Variants in CLASP2 observed in about 807,000 individuals in gnomAD.
CLASP2 encodes the protein CLIP-associating protein 2.
A neutral mutation model predicts 194.4 loss-of-function variants in CLASP2; 47 were observed. The ratio of observed to expected loss-of-function variants is 0.24; its 90% CI spans 0.19 to 0.31. The LOEUF (loss-of-function observed/expected upper bound fraction) is 0.31, where lower values mean the gene tolerates loss of function less well. CLASP2 is among the 10% of genes least tolerant of loss of function. The pLI, the probability that CLASP2 is intolerant of heterozygous loss-of-function variation, is 1.00. For missense variants in CLASP2, 1,445 were observed against 1,823.6 expected (o/e 0.79, Z 3.78); for synonymous variants, 619 against 633.5 (o/e 0.98, Z 0.34).
chr3:33,629,476 T>C (rs1007818789), intron 9 of CLASP2, among the ~76,000 whole-genome samples: 1 of 152,174 alleles, frequency 6.6e-6, no homozygotes, highest in African/African-American at 2.4e-5. Flanking sequence ...ACTACTTATT[T>C]ACTAAAGTAA....
chr3:33,682,064 T>C (rs1481977213), intron 6 of CLASP2, among the ~76,000 whole-genome samples: 2 of 152,174 alleles, frequency 1.3e-5, no homozygotes, highest in African/African-American at 4.8e-5. Flanking sequence ...GCCTAGCAAA[T>C]GCTGGCACGG....
At chr3:33,614,099 A>G (rs1256595009) in intron 12 of CLASP2, among the ~76,000 whole-genome samples, 2 of 152,228 alleles carry the variant, frequency 1.3e-5, no homozygotes, top group Non-Finnish European at 2.9e-5. Flanking sequence ...CTAAGGAAGT[A>G]GACTCTTAGG....
chr3:33,500,582 G>A (rs373999579), intron 38 of CLASP2, among the ~76,000 whole-genome samples: 25 of 152,004 alleles, frequency 1.6e-4, no homozygotes, highest in African/African-American at 3.4e-4. Context: ...TTAAAACTTT[G>A]TCTCTCATGG....
chr3:33,686,910 A>G, intron 5 of CLASP2, 150 bp downstream of exon 5: 3 of 556,918 alleles, frequency 5.4e-6, no homozygotes, highest in Non-Finnish European at 9.6e-6. Flanking sequence ...TTAAAAACTA[A>G]CTTTGATGGA....
intron 7 of CLASP2, among the ~76,000 whole-genome samples, chr3:33,651,121 A>T (rs9838471): frequency 6.6e-6 from 1 of 152,070 alleles, no homozygotes; most frequent in Non-Finnish European, 1.5e-5. Context: ...AGTGGTTCAC[A>T]TCTGTAATCC....
chr3:33,671,368 AAG>A (rs1038460418), intron 6 of CLASP2, among the ~76,000 whole-genome samples: 2 of 152,232 alleles, frequency 1.3e-5, no homozygotes, highest in South Asian at 2.1e-4. Context: ...AGACAAAAAA[AAG>A]AGAGAGCAAG....
intron 30 of CLASP2, among the ~76,000 whole-genome samples, chr3:33,545,304 C>T (rs1300173032): frequency 6.6e-6 from 1 of 152,148 alleles, no homozygotes; most frequent in Admixed American, 6.5e-5. Context: ...TTATACAATT[C>T]TTCTCCGCTT....
intron 7 of CLASP2, among the ~76,000 whole-genome samples, chr3:33,651,108 C>T (rs1199166139): frequency 6.6e-6 from 1 of 152,028 alleles, no homozygotes; most frequent in Admixed American, 6.5e-5. Context: ...CATGGCTGGG[C>T]GTAGTGGTTC....
chr3:33,496,847 T>C lies in CLASP2; in HGVS notation c.*1784A>G, dbSNP rs2045853346. ...TGCGTATGTAGCTATATACCTTTGA[T>C]TGTGGTAGCTACACCTGAAAAATCT... is the stretch of plus-strand genomic sequence containing the variant. On this transcript the variant is annotated 3_prime_UTR_variant, in exon 39 of 39. Transcript: ENST00000682230. 1 of 152,378 alleles carries C rather than the reference T, an allele frequency of 6.6e-6. No homozygotes were observed. The highest frequency in any genetic ancestry group is 2.4e-5 in the African/African-American group (1 of 41,470). The allele number at this position is 152,378 out of a possible 1,614,324, so 9.4% of individuals were successfully genotyped here. A position where few individuals can be genotyped will look rare whatever the true frequency, so the allele number is the denominator to read the frequency against.
intron 6 of CLASP2, among the ~76,000 whole-genome samples, chr3:33,669,442 C>T (rs957464619): frequency 2.0e-5 from 3 of 151,850 alleles, no homozygotes; most frequent in Admixed American, 1.3e-4. Context: ...AACTTATGTA[C>T]ATCAAAAGGT....
rs1342975907 is a variant in CLASP2, at chr3:33,632,365, G to T, written c.869C>A (p.Ser290Tyr). ...SAGGPKVGGASKEGGAGAVDE... is the reference protein window; with the variant it reads ...SAGGPKVGGAYKEGGAGAVDE... Reference sequence around the variant, plus strand: ...AACTGCTCCAGCACCTCCTTCCTTAGAAGCACCTGCTAATTAAAAGGAAAT... The same window carrying T: ...AACTGCTCCAGCACCTCCTTCCTTATAAGCACCTGCTAATTAAAAGGAAAT... The change falls in exon 9 of 39, where the codon TCT becomes TAT. Residue 290 changes from serine to tyrosine, a missense_variant. By Grantham distance (144) the Ser-to-Tyr change is moderately radical. Coordinates refer to ENST00000682230, the MANE Select transcript of CLASP2 (RefSeq NM_001365631.1). 1 of 1,595,180 alleles carries T rather than the reference G, an allele frequency of 6.3e-7. No individual in the cohort carries two copies. Among genetic ancestry groups the T allele is most frequent in the Non-Finnish European group, 8.5e-7 (1 of 1,171,434 alleles).
At chr3:33,544,336 G>A (rs1360115279) in intron 31 of CLASP2, among the ~76,000 whole-genome samples, 1 of 151,986 alleles carries the variant, frequency 6.6e-6, no homozygotes, top group Non-Finnish European at 1.5e-5. Context: ...GTTAACCCTG[G>A]AATAAGTCAT....
intron 31 of CLASP2, among the ~76,000 whole-genome samples, 195 bp from the exon 32 acceptor site, chr3:33,543,734 A>C (rs2058731518): frequency 6.6e-6 from 1 of 152,162 alleles, no homozygotes; most frequent in Admixed American, 6.5e-5. Flanking sequence ...GTAACTCTTT[A>C]GTCTTTTTCT....
intron 9 of CLASP2, 21 bp downstream of exon 9, chr3:33,632,271 G>T: frequency 1.3e-6 from 2 of 1,505,038 alleles, no homozygotes; most frequent in Non-Finnish European, 1.8e-6. Context: ...TATTCACGGG[G>T]AGTGCCACTG....
chr3:33,716,189 T>C (rs2093290923), intron 1 of CLASP2, among the ~76,000 whole-genome samples: 1 of 152,216 alleles, frequency 6.6e-6, no homozygotes, highest in Non-Finnish European at 1.5e-5. Flanking sequence ...TGGGAGACTA[T>C]GGCAGTTCTC....
At chr3:33,699,472 A>T (rs1378351815) in intron 1 of CLASP2, among the ~76,000 whole-genome samples, 1 of 152,198 alleles carries the variant, frequency 6.6e-6, no homozygotes, top group Non-Finnish European at 1.5e-5. Flanking sequence ...ATGAGAAAAA[A>T]ACAAAAGGAC....
chr3:33,705,091 G>GA (rs1351537698), intron 1 of CLASP2, among the ~76,000 whole-genome samples: 6 of 152,120 alleles, frequency 3.9e-5, no homozygotes, highest in Non-Finnish European at 8.8e-5. Flanking sequence ...ATACATACTT[G>GA]TACGTCAATG....
At chr3:33,530,593 T>C (rs2056048908) in intron 34 of CLASP2, among the ~76,000 whole-genome samples, 2 of 152,224 alleles carry the variant, frequency 1.3e-5, no homozygotes, top group South Asian at 2.1e-4. Context: ...TGCAGGTTTG[T>C]TTACACCAGC....
Position 33,581,811 on chromosome 3 carries a change from G to A in CLASP2, c.2347+10C>T, listed in dbSNP as rs764909514. On this transcript the variant is annotated intron_variant, in intron 23 of 38. Transcript: ENST00000682230. ...TAAGCAATGCACATAACACCTGCCC[G>A]AATACGTACCGAGGGGCTGAAAAGA... 65 of 1,599,982 alleles carry A rather than the reference G, an allele frequency of 4.1e-5. No homozygotes were observed. The highest frequency in any genetic ancestry group is 4.9e-5 in the Non-Finnish European group (57 of 1,168,460).
Sources: gnomAD v4.1 joint callset for allele counts (sites outside exome capture counted in the v4.1 genomes callset) on GRCh38, gnomAD v4.1.1 for gene constraint, MANE v1.5 for transcripts, NCBI Gene and HGNC (gene_info 2026-07-23, HGNC 2026-07-21) for gene names.